Variants in LIN7A observed in about 807,000 individuals in gnomAD.
LIN7A encodes protein lin-7 homolog A.
A neutral mutation model predicts 29.8 loss-of-function variants in LIN7A; 25 were observed. That is an observed-to-expected ratio of 0.84 (90% confidence interval 0.61 to 1.17). The LOEUF is 1.17. Among genes scored for constraint, LIN7A ranks in the 50% most tolerant of loss-of-function variants. The pLI is 0.00. For synonymous variants in LIN7A, 118 were observed against 107.5 expected, an observed-to-expected ratio of 1.10 and a Z score of -0.60; for missense variants, 239 against 287.0, an observed-to-expected ratio of 0.83 and a Z score of 1.21.
At chr12:80,811,823 T>C (rs1475607908) in intron 4 of LIN7A, 140 bp from the exon 5 acceptor site, 27 of 982,248 alleles carry the variant, frequency 2.7e-5, no homozygotes, top group Non-Finnish European at 3.8e-5. Flanking sequence ...CTTACCATCA[T>C]CGTTATTATT....
At chr12:80,874,914 T>G (rs1193459173) in intron 2 of LIN7A, among the ~76,000 whole-genome samples, 2 of 152,070 alleles carry the variant, frequency 1.3e-5, no homozygotes. Context: ...GGCAGGAGAA[T>G]GGCATGAACC....
chr12:80,932,554 T>C (rs1205969751), intron 1 of LIN7A, among the ~76,000 whole-genome samples: 2 of 152,260 alleles, frequency 1.3e-5, no homozygotes, highest in Non-Finnish European at 1.5e-5. Flanking sequence ...CTACTAATCA[T>C]GTCATAAGGA....
intron 1 of LIN7A, among the ~76,000 whole-genome samples, chr12:80,911,553 C>T (rs1876750145): frequency 6.6e-6 from 1 of 151,964 alleles, no homozygotes; most frequent in South Asian, 2.1e-4. Flanking sequence ...TATTTCCTTG[C>T]CAAATGAAAA....
At chr12:80,867,236 C>T (rs1411789949) in intron 2 of LIN7A, among the ~76,000 whole-genome samples, 3 of 152,172 alleles carry the variant, frequency 2.0e-5, no homozygotes, top group Admixed American at 1.3e-4. Flanking sequence ...TGGGAGCCAC[C>T]ATGCCTAGTC....
rs1175967373 is a variant in LIN7A, at chr12:80,794,745, T to C, written c.*2982A>G. 6.6e-6 allele frequency: 1 copy of C among 152,208 alleles called. No homozygotes were observed. Among genetic ancestry groups the C allele is most frequent in the Non-Finnish European group, 1.5e-5 (1 of 68,030 alleles). 9.4% of individuals were successfully genotyped at this position (152,208 alleles called of 1,614,324 possible). ...CATAACTGGAGAATTCCCTATTGACTACATGATTGAGGAAACACAAAAGTC... is the reference window on the plus strand; with the variant it reads ...CATAACTGGAGAATTCCCTATTGACCACATGATTGAGGAAACACAAAAGTC... On this transcript the variant is annotated 3_prime_UTR_variant, in exon 6 of 6. Coordinates refer to ENST00000552864, the MANE Select transcript of LIN7A (RefSeq NM_004664.4).
chr12:80,843,003 G>A (rs1245136506), intron 4 of LIN7A, among the ~76,000 whole-genome samples: 1 of 152,070 alleles, frequency 6.6e-6, no homozygotes, highest in Non-Finnish European at 1.5e-5. Context: ...TCTAGAGGTG[G>A]CTACTATATG....
At chr12:80,848,004 T>C in intron 3 of LIN7A, 1 of 589,228 alleles carries the variant, frequency 1.7e-6, no homozygotes. Context: ...GATTTGCTTG[T>C]GCCAAATGGA....
intron 1 of LIN7A, among the ~76,000 whole-genome samples, chr12:80,915,576 T>C (rs555735480): frequency 8.5e-5 from 13 of 152,370 alleles, no homozygotes; most frequent in African/African-American, 2.9e-4. Context: ...TGAACTCTTA[T>C]GTTCATCACA....
At chr12:80,898,692 C>A (rs1411301151) in intron 1 of LIN7A, among the ~76,000 whole-genome samples, 1 of 152,020 alleles carries the variant, frequency 6.6e-6, no homozygotes, top group African/African-American at 2.4e-5. Flanking sequence ...TTGTAAAGAT[C>A]TTTTTGCCTC....
chr12:80,823,985 C>T (rs1417135255), intron 4 of LIN7A, among the ~76,000 whole-genome samples: 1 of 152,002 alleles, frequency 6.6e-6, no homozygotes, highest in Non-Finnish European at 1.5e-5. Context: ...CAAGAACAAT[C>T]CAAACCCAAA....
chr12:80,899,795 G>A (rs1876110220), intron 1 of LIN7A, among the ~76,000 whole-genome samples: 1 of 80,920 alleles, frequency 1.2e-5, no homozygotes, highest in South Asian at 3.9e-4. Flanking sequence ...TTGAGATCGA[G>A]TCTCGCTCTG....
intron 1 of LIN7A, among the ~76,000 whole-genome samples, chr12:80,890,304 G>A (rs1875556044): frequency 6.6e-6 from 1 of 152,098 alleles, no homozygotes. Context: ...AAGCCACTTA[G>A]GCATTTATGT....
intron 2 of LIN7A, among the ~76,000 whole-genome samples, chr12:80,876,141 T>G (rs1380534547): frequency 6.7e-6 from 1 of 149,564 alleles, no homozygotes; most frequent in Non-Finnish European, 1.5e-5. Context: ...AGAAACAAAT[T>G]GAAATCTCCC....
intron 2 of LIN7A, among the ~76,000 whole-genome samples, chr12:80,878,395 G>A (rs1874830915): frequency 6.6e-6 from 1 of 152,162 alleles, no homozygotes; most frequent in Non-Finnish European, 1.5e-5. Context: ...CTGATAAAAT[G>A]ATAAATTATA....
intron 1 of LIN7A, among the ~76,000 whole-genome samples, chr12:80,933,391 C>G (rs1878025497): frequency 6.6e-6 from 1 of 152,104 alleles, no homozygotes. Context: ...TATGTATACT[C>G]TTCACTCTCT....
At chr12:80,818,957 G>A (rs1871665792) in intron 4 of LIN7A, among the ~76,000 whole-genome samples, 1 of 152,134 alleles carries the variant, frequency 6.6e-6, no homozygotes, top group African/African-American at 2.4e-5. Context: ...GAAAAACAAT[G>A]TTGATTGGGT....
chr12:80,823,031 G>T (rs1871887681), intron 4 of LIN7A, among the ~76,000 whole-genome samples: 1 of 152,204 alleles, frequency 6.6e-6, no homozygotes, highest in South Asian at 2.1e-4. Flanking sequence ...CCAGACTCAT[G>T]CAGATGATGG....
At chr12:80,797,966 G>C (rs1400402785) in intron 5 of LIN7A, among the ~76,000 whole-genome samples, 1 of 152,210 alleles carries the variant, frequency 6.6e-6, no homozygotes, top group Non-Finnish European at 1.5e-5. Context: ...AAGAACACCA[G>C]TTTGGAAACA....
At position 80,807,071 on chromosome 12, in the gene LIN7A, T is replaced by TTG. The variant is rs1254557516; in HGVS notation, c.*4393_*4394insCA. Among the ~76,000 whole-genome samples, 205 of 111,880 alleles carry TTG rather than the reference T, an allele frequency of 1.8e-3. 25 individuals are homozygous for TTG. Among genetic ancestry groups the TTG allele is most frequent in the African/African-American group, 7.6e-3 (183 of 24,076 alleles). The allele number at this position is 111,880 out of a possible 152,430, so 73.4% of individuals were successfully genotyped here. On this transcript the variant is annotated intron_variant, in intron 5 of 5. Coordinates refer to ENST00000552864, the MANE Select transcript of LIN7A (RefSeq NM_004664.4). ...AATTTAATGAAGATGGAGTTTTTTT[T>TTG]TTTTTTTTTTTTTTTTTTTTGACGG...
Sources: allele counts gnomAD v4.1 joint callset (sites outside exome capture counted in the v4.1 genomes callset), GRCh38; gene constraint gnomAD v4.1.1; transcripts MANE v1.5; gene names NCBI Gene and HGNC (gene_info 2026-07-23, HGNC 2026-07-21).